Variants in SDK1 observed in about 807,000 individuals in gnomAD.
The protein encoded by SDK1 is sidekick cell adhesion molecule 1.
In SDK1, 157 loss-of-function variants were observed where a neutral mutation model predicts 245.5. The ratio of observed to expected loss-of-function variants is 0.64; its 90% CI spans 0.56 to 0.73. The LOEUF is 0.73. SDK1 is among the 30% of genes least tolerant of loss of function. The pLI, the probability that SDK1 is intolerant of heterozygous loss-of-function variation, is 0.00. For missense variants in SDK1, 3,583 were observed against 3,002.3 expected (o/e 1.19, Z -4.52); for synonymous variants, 1,647 against 1,278.5 (o/e 1.29, Z -6.15).
chr7:3,706,359 T>C (rs1418957839), intron 4 of SDK1, among the ~76,000 whole-genome samples: 2 of 152,246 alleles, frequency 1.3e-5, no homozygotes, highest in Non-Finnish European at 2.9e-5. Context: ...TCTTTGAATG[T>C]CTAGTAGAAT....
intron 35 of SDK1, among the ~76,000 whole-genome samples, chr7:4,182,326 C>T (rs1782647315): frequency 6.6e-6 from 1 of 152,218 alleles, no homozygotes; most frequent in South Asian, 2.1e-4. Context: ...TTCCCCCCAG[C>T]AGCGGGGCTG....
At chr7:3,748,814 C>T (rs1237315731) in intron 4 of SDK1, among the ~76,000 whole-genome samples, 1 of 152,066 alleles carries the variant, frequency 6.6e-6, no homozygotes, top group Non-Finnish European at 1.5e-5. Context: ...TACATAAATC[C>T]AAGGTTTCAG....
At chr7:3,518,680 A>T (rs1177028833) in intron 1 of SDK1, among the ~76,000 whole-genome samples, 1 of 152,050 alleles carries the variant, frequency 6.6e-6, no homozygotes, top group Admixed American at 6.6e-5. Context: ...ACAAAAAAAA[A>T]CATGCTGGCA....
chr7:3,701,511 G>A (rs752587440), intron 4 of SDK1, among the ~76,000 whole-genome samples: 34 of 152,162 alleles, frequency 2.2e-4, no homozygotes, highest in Non-Finnish European at 4.3e-4. Context: ...GGGGCAGGTG[G>A]ATTGCTTGAT....
At position 4,268,438 on chromosome 7, in the gene SDK1, C is replaced by G. The variant is rs1443987630; in HGVS notation, c.*3054C>G. The G allele has an allele frequency of 1.8e-6, 2 of 1,129,840 alleles. No individual in the cohort carries two copies. The highest frequency in any genetic ancestry group is 2.2e-6 in the Non-Finnish European group (2 of 909,294). 70.0% of individuals were successfully genotyped at this position (1,129,840 alleles called of 1,614,324 possible). ...CCCCAGCCTCGCCTTCAGCCTCTCT[C>G]CCAGCCTGCTTTTATAAGGCGCACT... On this transcript the variant is annotated 3_prime_UTR_variant, in exon 45 of 45. Transcript: ENST00000404826.
rs115198327 is a variant in SDK1, at chr7:3,776,580, A to T, written c.714-44870A>T. Among the ~76,000 whole-genome samples, 839 of 152,354 alleles carry T rather than the reference A, an allele frequency of 5.5e-3. 9 individuals are homozygous for T. Among genetic ancestry groups the T allele is most frequent in the African/African-American group, 0.019 (806 of 41,584 alleles). ...GCGTAAATGAAGATAGTATGTGAAT[A>T]TGTATAAACCACTATGCAGAAAACA... On this transcript the variant is annotated intron_variant, in intron 4 of 44. Transcript: ENST00000404826.
At chr7:3,541,533 G>A (rs183417204) in intron 1 of SDK1, among the ~76,000 whole-genome samples, 1 of 152,134 alleles carries the variant, frequency 6.6e-6, no homozygotes, top group South Asian at 2.1e-4. Flanking sequence ...TAATATGTCA[G>A]TCCTTCTGTA....
chr7:4,029,456 C>T (rs1787620319), intron 17 of SDK1, among the ~76,000 whole-genome samples: 1 of 152,066 alleles, frequency 6.6e-6, no homozygotes, highest in African/African-American at 2.4e-5. Context: ...AGTAATCTGC[C>T]CACCTGGGCC....
intron 2 of SDK1, among the ~76,000 whole-genome samples, chr7:3,637,825 G>C (rs1782514561): frequency 6.6e-6 from 1 of 152,248 alleles, no homozygotes; most frequent in Admixed American, 6.5e-5. Flanking sequence ...GAAAGGAAGT[G>C]AATACATTGT....
intron 27 of SDK1, chr7:4,130,367 G>GC: frequency 2.1e-6 from 1 of 473,592 alleles, no homozygotes; most frequent in South Asian, 2.9e-5. Context: ...GGCAGCAGAG[G>GC]CTGGGGCGGG....
chr7:4,227,666 C>G (rs1785521841), intron 40 of SDK1, among the ~76,000 whole-genome samples: 1 of 152,192 alleles, frequency 6.6e-6, no homozygotes. Flanking sequence ...GCATGGAGAC[C>G]CTGTTTAATT....
intron 8 of SDK1, among the ~76,000 whole-genome samples, chr7:3,960,352 A>G (rs1243508096): frequency 2.0e-5 from 3 of 152,234 alleles, no homozygotes; most frequent in Non-Finnish European, 4.4e-5. Flanking sequence ...CAAATCTGTC[A>G]GCCACCAAAG....
At chr7:3,352,430 C>T (rs1011427451) in intron 1 of SDK1, among the ~76,000 whole-genome samples, 6 of 151,982 alleles carry the variant, frequency 3.9e-5, no homozygotes, top group Admixed American at 1.3e-4. Context: ...GGGTGTGCCA[C>T]GACGAGAGAT....
At chr7:4,052,439 G>A (rs1488577131) in intron 19 of SDK1, among the ~76,000 whole-genome samples, 1 of 152,092 alleles carries the variant, frequency 6.6e-6, no homozygotes, top group Non-Finnish European at 1.5e-5. Flanking sequence ...AATGTGAAAA[G>A]CATTCAGATG....
chr7:3,504,720 A>C (rs1432776093), intron 1 of SDK1, among the ~76,000 whole-genome samples: 1 of 151,998 alleles, frequency 6.6e-6, no homozygotes, highest in Non-Finnish European at 1.5e-5. Flanking sequence ...GTAAATCTTC[A>C]TTACCTTGGG....
intron 6 of SDK1, 85 bp downstream of exon 6, chr7:3,951,119 G>A: frequency 2.9e-6 from 3 of 1,026,904 alleles, no homozygotes; most frequent in East Asian, 5.0e-5. Flanking sequence ...ACTGGAGCAT[G>A]AGGTTCAGCC....
At chr7:4,158,386 A>G (rs1780902865) in intron 30 of SDK1, 62 bp from the exon 31 acceptor site, 1 of 1,361,876 alleles carries the variant, frequency 7.3e-7, no homozygotes, top group African/African-American at 1.4e-5. Context: ...CTTCACCAGG[A>G]ATGCCTGAGG....
intron 1 of SDK1, among the ~76,000 whole-genome samples, chr7:3,348,767 C>G (rs756081548): frequency 2.0e-5 from 3 of 152,046 alleles, no homozygotes; most frequent in Non-Finnish European, 4.4e-5. Context: ...ACTTTCTGAG[C>G]TGATCAAGTG....
intron 17 of SDK1, among the ~76,000 whole-genome samples, chr7:4,039,687 A>G (rs903000067): frequency 9.2e-5 from 14 of 152,196 alleles, no homozygotes; most frequent in African/African-American, 3.1e-4. Context: ...ATAAAACCCT[A>G]CAGTCCTCTT....
Sources: gnomAD v4.1 joint callset for allele counts (sites outside exome capture counted in the v4.1 genomes callset) on GRCh38, gnomAD v4.1.1 for gene constraint, MANE v1.5 for transcripts, NCBI Gene and HGNC (gene_info 2026-07-23, HGNC 2026-07-21) for gene names.